CYP4B1: variants seen among roughly 807,000 people sequenced by gnomAD.
The protein encoded by CYP4B1 is cytochrome P450 4B1.
CYP4B1 carries 45 observed loss-of-function variants against 54.0 expected under a neutral mutation model. The ratio of observed to expected loss-of-function variants is 0.83; its 90% CI spans 0.66 to 1.07. The LOEUF is 1.07. CYP4B1 is among the 50% of genes least tolerant of loss of function. The probability of loss-of-function intolerance (pLI) is 0.00; values close to 1 mark genes in which losing one functional copy is unlikely to be tolerated. For synonymous variants in CYP4B1, 248 were observed against 247.5 expected (o/e 1.00, Z -0.02); for missense variants, 656 against 655.4 (o/e 1.00, Z -0.01).
chr1:46,818,664 G>A lies in CYP4B1; in HGVS notation c.1389G>A (p.Glu463=), dbSNP rs1569924907. 6.2e-7 allele frequency: 1 copy of A among 1,614,216 alleles called. No homozygotes were observed. Among genetic ancestry groups the A allele is most frequent in the Non-Finnish European group, 8.5e-7 (1 of 1,180,036 alleles). Residue 463 remains glutamate (E), a synonymous_variant, in exon 12 of 12, where the codon GAG becomes GAA. Transcript: ENST00000371923. ...NCIGQQFAMS[E]MKVVTAMCLL... is the part of the protein sequence containing the mutation. ...TTGGGCAGCAGTTTGCCATGAGTGA[G>A]ATGAAGGTGGTCACAGCCATGTGCT...
Position 46,810,861 on chromosome 1 carries a change from G to A in CYP4B1, c.234G>A (p.Pro78=), listed in dbSNP as rs202229746. The change falls in exon 2 of 12, where the codon CCG becomes CCA. Residue 78 remains proline (P), a synonymous_variant. Transcript: ENST00000371923. ...DKVVSWAHQF[P]YAHPLWFGQF... ...TGGTGTCCTGGGCCCACCAGTTCCCGTATGCCCACCCACTCTGGTTCGGAC... is the reference window on the plus strand; with the variant it reads ...TGGTGTCCTGGGCCCACCAGTTCCCATATGCCCACCCACTCTGGTTCGGAC... The A allele has an allele frequency of 7.4e-5, 120 of 1,614,116 alleles. No homozygotes were observed. The highest frequency in any genetic ancestry group is 2.2e-4 in the East Asian group (10 of 44,860).
chr1:46,804,890 C>CCATCCAT (rs774416155), intron 1 of CYP4B1, among the ~76,000 whole-genome samples: 1 of 152,160 alleles, frequency 6.6e-6, no homozygotes, highest in Non-Finnish European at 1.5e-5. Flanking sequence ...TGACCCACCC[C>CCATCCAT]CATCCATAGT....
chr1:46,800,962 AT>A (rs1388054021), intron 1 of CYP4B1, among the ~76,000 whole-genome samples: 2 of 152,092 alleles, frequency 1.3e-5, no homozygotes, highest in Admixed American at 1.3e-4. Context: ...TAGCCGCATT[AT>A]TTTGATCTCA....
Position 46,813,946 on chromosome 1 carries a change from A to G in CYP4B1, c.658A>G (p.Thr220Ala). 1 of 1,613,816 alleles carries G rather than the reference A, an allele frequency of 6.2e-7. No homozygotes were observed. The highest frequency in any genetic ancestry group is 8.5e-7 in the Non-Finnish European group (1 of 1,179,922). ...SSYYLAVSDLTLLMQQRLVSF... is the reference protein window; with the variant it reads ...SSYYLAVSDLALLMQQRLVSF... ...CTACTACCTTGCAGTCAGCGATCTC[A>G]CTCTGTTGATGCAGCAGCGCCTTGT... Residue 220 changes from threonine (T) to alanine (A), a missense_variant, in exon 6 of 12, where the codon ACT becomes GCT. Transcript: ENST00000371923.
At chr1:46,810,156 C>T (rs1228377962) in intron 1 of CYP4B1, among the ~76,000 whole-genome samples, 2 of 152,212 alleles carry the variant, frequency 1.3e-5, no homozygotes, top group African/African-American at 4.8e-5. Context: ...TCAAGTTTCA[C>T]CTTAAATGTT....
At chr1:46,803,507 C>T (rs746070268) in intron 1 of CYP4B1, among the ~76,000 whole-genome samples, 5 of 152,100 alleles carry the variant, frequency 3.3e-5, no homozygotes, top group Non-Finnish European at 5.9e-5. Context: ...CAGAATCTAG[C>T]GAAAGTCATC....
chr1:46,816,920 G>A, intron 8 of CYP4B1, 128 bp from the exon 9 acceptor site: 1 of 1,098,682 alleles, frequency 9.1e-7, no homozygotes, highest in Non-Finnish European at 1.4e-6. Context: ...AGGGGCACTT[G>A]GAACTCTGTG....
chr1:46,807,688 G>A lies in CYP4B1; in HGVS notation c.181-3120G>A, dbSNP rs887324951. 5.3e-5 allele frequency among the ~76,000 whole-genome samples: 8 copies of A among 152,236 alleles called. No individual in the cohort carries two copies. The East Asian group carries it at 1.5e-3, about 29-fold the overall frequency. ...TTACAGCCCTGTTGGGTTGAACTCA[G>A]GATTCTGCGTTCAGAGGCAGTGAGG... On this transcript the variant is annotated intron_variant, in intron 1 of 11. Coordinates refer to ENST00000371923, the MANE Select transcript of CYP4B1 (RefSeq NM_001099772.2).
chr1:46,814,169 A>G (rs1228110535), intron 6 of CYP4B1, 40 bp from the exon 7 acceptor site: 3 of 1,612,266 alleles, frequency 1.9e-6, no homozygotes, highest in Non-Finnish European at 2.5e-6. Context: ...TGGACAAAAG[A>G]TGGCTTCCCA....
intron 1 of CYP4B1, among the ~76,000 whole-genome samples, chr1:46,803,769 C>T (rs192239088): frequency 6.6e-6 from 1 of 152,250 alleles, no homozygotes; most frequent in African/African-American, 2.4e-5. Flanking sequence ...GGTGGGCCTG[C>T]AGGGAGGAGG....
rs4646488 is a variant in CYP4B1, at chr1:46,813,731, G to A, written c.620+125G>A. 5,612 of 1,466,566 alleles carry A rather than the reference G, an allele frequency of 3.8e-3. 147 individuals are homozygous for A. The East Asian group carries it at 0.067, about 18-fold the overall frequency. 90.8% of individuals were successfully genotyped at this position (1,466,566 alleles called of 1,614,324 possible). A position where few individuals can be genotyped will look rare whatever the true frequency, so the allele number is the denominator to read the frequency against. ...CCTGCCCCAGGGAGCCTTAGCTTGC[G>A]GGGAGACAGGACCTGCTCATGGTGG... On this transcript the variant is annotated intron_variant, in intron 5 of 11. Coordinates refer to ENST00000371923, the MANE Select transcript of CYP4B1 (RefSeq NM_001099772.2).
chr1:46,813,404 G>A, intron 4 of CYP4B1, 78 bp from the exon 5 acceptor site: 1 of 1,589,392 alleles, frequency 6.3e-7, no homozygotes, highest in Non-Finnish European at 8.6e-7. Context: ...TACGGGTCCT[G>A]GAGGGCAGCT....
chr1:46,803,724 G>C (rs1387529996), intron 1 of CYP4B1, among the ~76,000 whole-genome samples: 2 of 152,146 alleles, frequency 1.3e-5, no homozygotes, highest in Admixed American at 6.5e-5. Context: ...GGTTCTTTTT[G>C]CTCTGGTTTG....
chr1:46,817,129 C>T lies in CYP4B1; in HGVS notation c.1155C>T (p.Tyr385=). Residue 385 remains tyrosine (Y), a synonymous_variant, in exon 9 of 12, where the codon TAC becomes TAT. Transcript: ENST00000371923. ...FRLYPPVPQV[Y]RQLSKPVTFV... ...TCTACCCACCTGTGCCCCAGGTGTA[C>T]CGCCAGCTCAGCAAGCCTGTCACCT... 6.2e-7 allele frequency: 1 copy of T among 1,614,172 alleles called. No homozygotes were observed. Among genetic ancestry groups the T allele is most frequent in the Non-Finnish European group, 8.5e-7 (1 of 1,180,024 alleles).
At chr1:46,799,649 G>T (rs1678531811) in intron 1 of CYP4B1, among the ~76,000 whole-genome samples, 1 of 152,218 alleles carries the variant, frequency 6.6e-6, no homozygotes, top group South Asian at 2.1e-4. Flanking sequence ...CCGTGTTGTT[G>T]TGTGTAGTGT....
chr1:46,805,301 A>G (rs1003593935), intron 1 of CYP4B1, among the ~76,000 whole-genome samples: 1 of 152,188 alleles, frequency 6.6e-6, no homozygotes, highest in Admixed American at 6.5e-5. Flanking sequence ...TGGATGCTGA[A>G]GACAGGAGGG....
Position 46,800,241 on chromosome 1 carries a change from C to CTTTTT in CYP4B1, c.180+980_180+981insTTTTT, listed in dbSNP as rs1553130168. Among the ~76,000 whole-genome samples the CTTTTT allele has an allele frequency of 4.6e-4, 16 of 34,796 alleles. No individual in the cohort carries two copies. In the East Asian group the frequency reaches 0.024, roughly 52 times the overall value. 22.8% of individuals were successfully genotyped at this position (34,796 alleles called of 152,430 possible). On this transcript the variant is annotated intron_variant, in intron 1 of 11. Coordinates refer to ENST00000371923, the MANE Select transcript of CYP4B1 (RefSeq NM_001099772.2). ...TCTTTCTCTCTTTCTTTCTTTCTTT[C>CTTTTT]CTTCCTTCCTTCCTTCCTTCCTTCC... is the stretch of plus-strand genomic sequence containing the variant.
chr1:46,809,296 C>T (rs1679000812), intron 1 of CYP4B1, among the ~76,000 whole-genome samples: 1 of 152,196 alleles, frequency 6.6e-6, no homozygotes, highest in African/African-American at 2.4e-5. Context: ...ATGATGCCAA[C>T]ACCTCCCATG....
chr1:46,812,365 C>A, intron 3 of CYP4B1, 131 bp from the exon 4 acceptor site: 1 of 1,017,650 alleles, frequency 9.8e-7, no homozygotes, highest in Non-Finnish European at 1.5e-6. Flanking sequence ...GCATGGAGGG[C>A]AATACTGGGT....
Sources: allele counts gnomAD v4.1 joint callset (sites outside exome capture counted in the v4.1 genomes callset), GRCh38; gene constraint gnomAD v4.1.1; transcripts MANE v1.5; gene names NCBI Gene and HGNC (gene_info 2026-07-23, HGNC 2026-07-21).